Variants in SAMD5 observed in about 807,000 individuals in gnomAD.
The protein encoded by SAMD5 is sterile alpha motif domain-containing protein 5.
In SAMD5, 13 loss-of-function variants were observed where a neutral mutation model predicts 11.3. The observed-to-expected ratio is 1.15, with a 90% CI of 0.75 to 1.83. The LOEUF (loss-of-function observed/expected upper bound fraction) is 1.83. Among genes scored for constraint, SAMD5 ranks in the 40% most tolerant of loss-of-function variants. SAMD5 has a pLI of 0.00. For synonymous variants in SAMD5, 129 were observed against 111.3 expected (o/e 1.16, Z -1.00); for missense variants, 255 against 239.1 (o/e 1.07, Z -0.44).
chr6:147,950,525 C>T, the SAMD5 span, among the ~76,000 whole-genome samples: 1 of 152,168 alleles, frequency 6.6e-6, no homozygotes, highest in Non-Finnish European at 1.5e-5. Flanking sequence ...TCACATTTGG[C>T]CCCGACCTGG....
chr6:147,870,468 GTGTGTGTGTGTGTGTATA>G, the SAMD5 span, among the ~76,000 whole-genome samples: 1 of 123,016 alleles, frequency 8.1e-6, no homozygotes, highest in South Asian at 2.6e-4. Context: ...GTGTGTGTGT[GTGTGTGTGTGTGTGTATA>G]TATATATGTA....
chr6:147,723,230 C>T (rs771143288), intron 1 of SAMD5, among the ~76,000 whole-genome samples: 10 of 152,178 alleles, frequency 6.6e-5, no homozygotes, highest in Non-Finnish European at 1.3e-4. Context: ...TTTTCCCCTT[C>T]TCTTTACCAT....
chr6:147,550,071 C>A (rs943482120), intron 1 of SAMD5, among the ~76,000 whole-genome samples: 2 of 151,562 alleles, frequency 1.3e-5, no homozygotes, highest in Non-Finnish European at 1.5e-5. Flanking sequence ...ATAGCAAGAC[C>A]TTTGTCTCTA....
At chr6:147,514,682 G>A (rs941243092) in intron 1 of SAMD5, among the ~76,000 whole-genome samples, 2 of 152,028 alleles carry the variant, frequency 1.3e-5, no homozygotes, top group African/African-American at 2.4e-5. Flanking sequence ...AGGCTCTAGG[G>A]TAAATAGTGT....
intron 1 of SAMD5, among the ~76,000 whole-genome samples, chr6:147,609,825 G>A (rs1789756211): frequency 6.6e-6 from 1 of 152,028 alleles, no homozygotes; most frequent in South Asian, 2.1e-4. Context: ...CAAAGTGCTG[G>A]GATTATAGGC....
At chr6:147,859,878 T>C in the SAMD5 span, among the ~76,000 whole-genome samples, 1 of 152,184 alleles carries the variant, frequency 6.6e-6, no homozygotes, top group Non-Finnish European at 1.5e-5. Flanking sequence ...ATAACTTGTG[T>C]CTGTCCATAT....
At chr6:147,927,775 T>G in the SAMD5 span, among the ~76,000 whole-genome samples, 1 of 152,164 alleles carries the variant, frequency 6.6e-6, no homozygotes, top group Non-Finnish European at 1.5e-5. Context: ...CAGCTTTTCC[T>G]CATTCAGTAT....
the SAMD5 span, among the ~76,000 whole-genome samples, chr6:147,845,691 G>T: frequency 6.6e-6 from 1 of 151,990 alleles, no homozygotes; most frequent in African/African-American, 2.4e-5. Context: ...ATTTCACTAT[G>T]CACCTATCAA....
At chr6:147,664,371 C>G (rs2128454755) in intron 1 of SAMD5, among the ~76,000 whole-genome samples, 1 of 152,258 alleles carries the variant, frequency 6.6e-6, no homozygotes, top group East Asian at 1.9e-4. Flanking sequence ...GATAAATATA[C>G]TATAAGCCAT....
intron 1 of SAMD5, among the ~76,000 whole-genome samples, chr6:147,713,723 C>G (rs144984364): frequency 6.6e-5 from 10 of 152,054 alleles, no homozygotes; most frequent in Non-Finnish European, 1.0e-4. Context: ...AGAACTGTCA[C>G]CCAAATTCAG....
At chr6:147,799,343 G>T in the SAMD5 span, among the ~76,000 whole-genome samples, 1 of 151,944 alleles carries the variant, frequency 6.6e-6, no homozygotes. Context: ...AGTTTGGCTG[G>T]ATATGAAATT....
the SAMD5 span, among the ~76,000 whole-genome samples, chr6:147,846,708 T>TA: frequency 4.6e-5 from 7 of 152,268 alleles, no homozygotes; most frequent in Middle Eastern, 3.4e-3. Flanking sequence ...TTATCCCAGC[T>TA]ATTCGGTAGG....
chr6:147,601,752 G>A (rs1467247980), intron 1 of SAMD5, among the ~76,000 whole-genome samples: 1 of 152,160 alleles, frequency 6.6e-6, no homozygotes, highest in Non-Finnish European at 1.5e-5. Context: ...GTCTCATATG[G>A]TACTAAAGGA....
At chr6:147,570,263 G>A (rs182451604), downstream of SAMD5, among the ~76,000 whole-genome samples, 24 of 152,184 alleles carry the variant, frequency 1.6e-4, no homozygotes, top group East Asian at 3.1e-3. Context: ...GTATGTTGTC[G>A]CCTTCTCTTG....
At chr6:147,510,379 TAGACAGCA>T (rs1788070393) in intron 1 of SAMD5, among the ~76,000 whole-genome samples, 1 of 152,102 alleles carries the variant, frequency 6.6e-6, no homozygotes, top group Admixed American at 6.5e-5. Flanking sequence ...GATAGAGAAG[TAGACAGCA>T]CAGGTAACGC....
At chr6:147,849,465 C>T in the SAMD5 span, among the ~76,000 whole-genome samples, 1 of 152,004 alleles carries the variant, frequency 6.6e-6, no homozygotes, top group Admixed American at 6.6e-5. Flanking sequence ...AAGGAGGGCT[C>T]ATATACATGG....
the SAMD5 span, among the ~76,000 whole-genome samples, chr6:147,853,255 G>A: frequency 6.6e-6 from 1 of 152,094 alleles, no homozygotes; most frequent in South Asian, 2.1e-4. Context: ...TTGGGTGCCT[G>A]ACACAGGAAC....
the SAMD5 span, among the ~76,000 whole-genome samples, chr6:147,936,342 C>T: frequency 1.6e-4 from 24 of 151,752 alleles, no homozygotes; most frequent in Admixed American, 2.6e-4. Flanking sequence ...AAGCATAGCA[C>T]TAGCATCTGC....
chr6:147,701,490 C>T (rs1791252317), intron 1 of SAMD5, among the ~76,000 whole-genome samples: 1 of 151,840 alleles, frequency 6.6e-6, no homozygotes, highest in Admixed American at 6.6e-5. Context: ...AAAAATTAGC[C>T]AGGCGTGGTG....
Sources: gnomAD v4.1 joint callset for allele counts (sites outside exome capture counted in the v4.1 genomes callset) on GRCh38, gnomAD v4.1.1 for gene constraint, MANE v1.5 for transcripts, NCBI Gene and HGNC (gene_info 2026-07-23, HGNC 2026-07-21) for gene names.